The following CRTAC1 variants were observed in gnomAD, a reference collection of about 807,000 sequenced individuals.
CRTAC1 encodes the protein acidic secreted protein in cartilage.
Under a neutral mutation model 67.8 loss-of-function variants are expected in CRTAC1, and 37 were observed. That is an observed-to-expected ratio of 0.55 (90% CI 0.42 to 0.72). The LOEUF is 0.72. Among genes scored for constraint, CRTAC1 ranks in the 30% least tolerant of loss-of-function variants. The pLI, the probability that CRTAC1 is intolerant of heterozygous loss-of-function variation, is 0.00. For missense variants in CRTAC1, 780 were observed against 931.6 expected (o/e 0.84, Z 2.12); for synonymous variants, 348 against 371.0 (o/e 0.94, Z 0.71).
intron 2 of CRTAC1, among the ~76,000 whole-genome samples, chr10:98,004,272 G>A (rs550802244): frequency 6.6e-6 from 1 of 152,274 alleles, no homozygotes; most frequent in South Asian, 2.1e-4. Context: ...GTTTGAATCA[G>A]AAAGTGCTGA....
intron 5 of CRTAC1, 117 bp from the exon 6 acceptor site, chr10:97,908,264 G>A (rs999680647): frequency 9.1e-7 from 1 of 1,096,172 alleles, no homozygotes; most frequent in Non-Finnish European, 1.3e-6. Context: ...AGAGGAGCCT[G>A]GGGGGAATTC....
At position 97,922,844 on chromosome 10, in the gene CRTAC1, G is replaced by A. The variant is rs551747921; in HGVS notation, c.558+420C>T. ...ATTTATTCCGTAAATATTTATGAAGGGCCCCACGGCTCAGTGCCTGGCACA... is the reference window on the plus strand; with the variant it reads ...ATTTATTCCGTAAATATTTATGAAGAGCCCCACGGCTCAGTGCCTGGCACA... On this transcript the variant is annotated intron_variant, in intron 4 of 14. Transcript: ENST00000370597. Among the ~76,000 whole-genome samples the A allele has an allele frequency of 5.9e-5, 9 of 152,300 alleles. No homozygotes were observed. In the South Asian group the frequency reaches 1.0e-3, roughly 18 times the overall value.
chr10:97,899,496 C>T (rs971738982), intron 8 of CRTAC1, among the ~76,000 whole-genome samples: 2 of 152,202 alleles, frequency 1.3e-5, no homozygotes, highest in Non-Finnish European at 2.9e-5. Flanking sequence ...CTAGATTCCT[C>T]AGTGCTCAGG....
chr10:97,961,816 C>G (rs1367569478), intron 2 of CRTAC1, among the ~76,000 whole-genome samples: 1 of 152,150 alleles, frequency 6.6e-6, no homozygotes, highest in African/African-American at 2.4e-5. Flanking sequence ...GGGAGGATTG[C>G]TTGCAGCTAG....
chr10:97,991,099 C>CCAAAAAAAA (rs1554932158), intron 2 of CRTAC1, among the ~76,000 whole-genome samples: 43 of 17,978 alleles, frequency 2.4e-3, no homozygotes, highest in African/African-American at 7.5e-3. Flanking sequence ...ACCATCTCTA[C>CCAAAAAAAA]AAAAAAAAAA....
intron 2 of CRTAC1, among the ~76,000 whole-genome samples, chr10:98,007,513 G>A (rs992322295): frequency 6.6e-6 from 1 of 152,214 alleles, no homozygotes; most frequent in African/African-American, 2.4e-5. Context: ...CTGACCTGGA[G>A]CTGGGAGACT....
chr10:97,879,865 T>TGGGGGTGGGGGGG, intron 14 of CRTAC1: 2 of 226,630 alleles, frequency 8.8e-6, no homozygotes, highest in Admixed American at 8.3e-5. Flanking sequence ...GGGGACGGGG[T>TGGGGGTGGGGGGG]GGGGGTGGAG....
chr10:97,882,952 G>A (rs755233033), intron 12 of CRTAC1, 124 bp from the exon 13 acceptor site: 1 of 948,334 alleles, frequency 1.1e-6, no homozygotes, highest in Non-Finnish European at 1.6e-6. Flanking sequence ...TCTGAGCTCT[G>A]GGCCTGGGGG....
chr10:97,941,039 A>G (rs2051166333), intron 2 of CRTAC1, among the ~76,000 whole-genome samples: 1 of 151,476 alleles, frequency 6.6e-6, no homozygotes, highest in Non-Finnish European at 1.5e-5. Flanking sequence ...CCCGCTGCCT[A>G]TTTGCCCCAC....
intron 2 of CRTAC1, among the ~76,000 whole-genome samples, chr10:97,949,490 G>A (rs1463178840): frequency 6.6e-6 from 1 of 152,238 alleles, no homozygotes; most frequent in Non-Finnish European, 1.5e-5. Context: ...TGTGGGGCAG[G>A]CATTTAGGGT....
intron 3 of CRTAC1, among the ~76,000 whole-genome samples, chr10:97,924,135 T>G (rs977321252): frequency 1.3e-5 from 2 of 152,176 alleles, no homozygotes; most frequent in African/African-American, 4.8e-5. Context: ...ATTTCAGGTC[T>G]GTGGCCTTCT....
chr10:97,938,961 C>T (rs1296198428), intron 2 of CRTAC1, among the ~76,000 whole-genome samples: 1 of 152,186 alleles, frequency 6.6e-6, no homozygotes, highest in Non-Finnish European at 1.5e-5. Context: ...CAAGGGATTC[C>T]AGAGCCAGAG....
At chr10:97,989,503 T>C (rs1416483618) in intron 2 of CRTAC1, among the ~76,000 whole-genome samples, 1 of 152,228 alleles carries the variant, frequency 6.6e-6, no homozygotes, top group African/African-American at 2.4e-5. Context: ...CTGTACTGAA[T>C]ACTGTAGGTA....
chr10:97,939,279 A>T (rs1221516708), intron 2 of CRTAC1, among the ~76,000 whole-genome samples: 1 of 152,214 alleles, frequency 6.6e-6, no homozygotes, highest in African/African-American at 2.4e-5. Flanking sequence ...TCGGAAAGGT[A>T]GTTGGCCCCG....
chr10:97,925,836 G>T (rs1434773389), intron 3 of CRTAC1, among the ~76,000 whole-genome samples: 1 of 152,116 alleles, frequency 6.6e-6, no homozygotes, highest in Non-Finnish European at 1.5e-5. Context: ...GTACTTGTGG[G>T]AGTGTGCATA....
chr10:97,930,039 A>G (rs1406607554), intron 3 of CRTAC1, among the ~76,000 whole-genome samples: 2 of 152,104 alleles, frequency 1.3e-5, no homozygotes, highest in Non-Finnish European at 2.9e-5. Context: ...GGGAAACCCG[A>G]TCAGCTCCCG....
chr10:97,930,874 C>T (rs1407963670), intron 3 of CRTAC1, among the ~76,000 whole-genome samples: 2 of 151,150 alleles, frequency 1.3e-5, no homozygotes, highest in East Asian at 3.9e-4. Flanking sequence ...AATCCAAGTC[C>T]ATAAAAAGGA....
intron 2 of CRTAC1, among the ~76,000 whole-genome samples, chr10:97,962,625 A>G (rs1169766420): frequency 6.6e-6 from 1 of 152,200 alleles, no homozygotes; most frequent in Non-Finnish European, 1.5e-5. Flanking sequence ...CGTGGGGACC[A>G]GGGCTACTGG....
At chr10:98,026,945 C>T (rs1843245085) in intron 1 of CRTAC1, among the ~76,000 whole-genome samples, 2 of 151,848 alleles carry the variant, frequency 1.3e-5, no homozygotes, top group Admixed American at 6.6e-5. Flanking sequence ...TTTGGGAGGC[C>T]GAGGCGGGCA....
Sources: allele counts gnomAD v4.1 joint callset (sites outside exome capture counted in the v4.1 genomes callset), GRCh38; gene constraint gnomAD v4.1.1; transcripts MANE v1.5; gene names NCBI Gene and HGNC (gene_info 2026-07-23, HGNC 2026-07-21).